Variants in RASGEF1C observed in about 807,000 individuals in gnomAD.
RASGEF1C encodes RasGEF domain family member 1C.
RASGEF1C carries 27 observed loss-of-function variants against 58.1 expected under a neutral mutation model. The ratio of observed to expected loss-of-function variants is 0.46; its 90% CI spans 0.34 to 0.64. The LOEUF is 0.64. Ranked by LOEUF, RASGEF1C falls within the 30% of genes least tolerant of loss-of-function variation. The probability of loss-of-function intolerance (pLI) is 0.01; values close to 1 mark genes in which losing one functional copy is unlikely to be tolerated. For missense variants in RASGEF1C, 502 were observed against 605.1 expected (o/e 0.83, Z 1.79); for synonymous variants, 243 against 246.3 (o/e 0.99, Z 0.13).
chr5:180,181,322 G>C (rs1045865514), intron 1 of RASGEF1C, among the ~76,000 whole-genome samples: 1 of 152,228 alleles, frequency 6.6e-6, no homozygotes. Flanking sequence ...ATGTGGAAAA[G>C]AGATGTATGA....
chr5:180,105,867 CA>C (rs1201153402), intron 12 of RASGEF1C, among the ~76,000 whole-genome samples: 64 of 141,158 alleles, frequency 4.5e-4, no homozygotes, highest in Middle Eastern at 7.3e-3. Flanking sequence ...GACTCTGTCT[CA>C]AAAAAAAAAA....
chr5:180,203,632 C>T (rs930041927), intron 1 of RASGEF1C, among the ~76,000 whole-genome samples: 9 of 148,182 alleles, frequency 6.1e-5, no homozygotes, highest in African/African-American at 9.9e-5. Context: ...ATAAGCCATG[C>T]GTTGCTTTAA....
intron 4 of RASGEF1C, among the ~76,000 whole-genome samples, chr5:180,135,831 C>T (rs1766461817): frequency 6.6e-6 from 1 of 152,212 alleles, no homozygotes; most frequent in Admixed American, 6.5e-5. Flanking sequence ...CTGCCCCTAC[C>T]CTGAAGGTTT....
At chr5:180,144,057 C>T (rs62406061) in intron 1 of RASGEF1C, among the ~76,000 whole-genome samples, 22,026 of 152,118 alleles carry the variant, frequency 0.14, 1,789 homozygotes, top group Middle Eastern at 0.2. Flanking sequence ...GACTGGTGCA[C>T]GAAGTACCTC....
chr5:180,150,097 A>G (rs1766722688), intron 1 of RASGEF1C, among the ~76,000 whole-genome samples: 1 of 152,146 alleles, frequency 6.6e-6, no homozygotes, highest in Admixed American at 6.5e-5. Flanking sequence ...CTCAGACTCA[A>G]TAATTTCAAT....
chr5:180,181,388 T>G (rs1293164900), intron 1 of RASGEF1C, among the ~76,000 whole-genome samples: 1 of 152,218 alleles, frequency 6.6e-6, no homozygotes, highest in African/African-American at 2.4e-5. Flanking sequence ...ATGACTGAAG[T>G]CCTCACCTCC....
chr5:180,191,077 G>T, intron 1 of RASGEF1C, among the ~76,000 whole-genome samples: 1 of 152,258 alleles, frequency 6.6e-6, no homozygotes, highest in Middle Eastern at 3.4e-3. Context: ...AGTGAAAATC[G>T]AAATCACAAT....
chr5:180,147,178 A>G (rs572332773), intron 1 of RASGEF1C, among the ~76,000 whole-genome samples: 49 of 151,660 alleles, frequency 3.2e-4, no homozygotes, highest in Non-Finnish European at 6.2e-4. Flanking sequence ...GATTTTAATA[A>G]CTTCAGTCAT....
intron 1 of RASGEF1C, among the ~76,000 whole-genome samples, chr5:180,167,471 AGAGT>A (rs778074139): frequency 6.6e-6 from 1 of 152,210 alleles, no homozygotes; most frequent in Non-Finnish European, 1.5e-5. Context: ...CCTGGGTGAC[AGAGT>A]GAGACCCTGT....
chr5:180,147,348 G>T (rs1766673872), intron 1 of RASGEF1C, among the ~76,000 whole-genome samples: 1 of 150,778 alleles, frequency 6.6e-6, no homozygotes, highest in African/African-American at 2.4e-5. Flanking sequence ...GCTAGCTTTG[G>T]GTTTAGTTTG....
chr5:180,113,044 A>C lies in RASGEF1C; in HGVS notation c.1179+1402T>G, dbSNP rs1176769979. Among the ~76,000 whole-genome samples, 13 of 111,286 alleles carry C rather than the reference A, an allele frequency of 1.2e-4. 1 individual carries two copies. The South Asian group carries it at 2.9e-3, about 25-fold the overall frequency. 73.0% of individuals were successfully genotyped at this position (111,286 alleles called of 152,430 possible). A position where few individuals can be genotyped will look rare whatever the true frequency, so the allele number is the denominator to read the frequency against. ...CCGGGGATGGACGGAGGGACCGGGGATGGACGGAGGGATCCGGGCTGGACG... is the reference window on the plus strand; with the variant it reads ...CCGGGGATGGACGGAGGGACCGGGGCTGGACGGAGGGATCCGGGCTGGACG... On this transcript the variant is annotated intron_variant, in intron 11 of 13. Transcript: ENST00000361132.
intron 7 of RASGEF1C, among the ~76,000 whole-genome samples, chr5:180,119,686 G>T (rs1400610959): frequency 6.6e-6 from 1 of 152,092 alleles, no homozygotes; most frequent in South Asian, 2.1e-4. Flanking sequence ...CCCTGGAGCT[G>T]CTGAGAGGCA....
intron 1 of RASGEF1C, among the ~76,000 whole-genome samples, chr5:180,149,581 A>G (rs1410610449): frequency 1.3e-5 from 2 of 151,324 alleles, no homozygotes; most frequent in Non-Finnish European, 2.9e-5. Context: ...TCGGCCTCCC[A>G]AGTAGCTGGG....
chr5:180,127,742 T>TG, intron 5 of RASGEF1C, 59 bp from the exon 6 acceptor site: 4 of 1,498,410 alleles, frequency 2.7e-6, no homozygotes, highest in Admixed American at 1.9e-5. Flanking sequence ...GGGTGTCCAC[T>TG]GGGGGGCCTG....
chr5:180,134,167 G>A (rs1393572477), intron 4 of RASGEF1C, among the ~76,000 whole-genome samples: 1 of 152,194 alleles, frequency 6.6e-6, no homozygotes, highest in Non-Finnish European at 1.5e-5. Context: ...GCCCAGTGAG[G>A]AGAGGCAGTG....
At position 180,103,202 on chromosome 5, in the gene RASGEF1C, C is replaced by T. The variant is rs552989497; in HGVS notation, c.1304-1059G>A. Among the ~76,000 whole-genome samples, 18 of 152,268 alleles carry T rather than the reference C, an allele frequency of 1.2e-4. No individual in the cohort carries two copies. The South Asian group carries it at 1.9e-3, about 16-fold the overall frequency. On this transcript the variant is annotated intron_variant, in intron 12 of 13. Transcript: ENST00000361132. ...ACACCATTCTCCTGCCTCACCCTCC[C>T]GAGTGGCTGGGACTACAGGTACCCA...
chr5:180,115,974 C>T (rs572903171), intron 10 of RASGEF1C, among the ~76,000 whole-genome samples: 15 of 152,152 alleles, frequency 9.9e-5, no homozygotes, highest in Middle Eastern at 3.4e-3. Flanking sequence ...AACAGGGAGA[C>T]GCACCAAGAC....
intron 1 of RASGEF1C, among the ~76,000 whole-genome samples, chr5:180,147,236 T>A (rs1766672212): frequency 6.9e-6 from 1 of 145,670 alleles, no homozygotes; most frequent in African/African-American, 2.5e-5. Context: ...ATTTTGTTAA[T>A]CTTTTTGAAG....
At chr5:180,184,491 C>A (rs926002310) in intron 1 of RASGEF1C, among the ~76,000 whole-genome samples, 2 of 152,072 alleles carry the variant, frequency 1.3e-5, no homozygotes, top group South Asian at 4.2e-4. Flanking sequence ...GCAGGAGAAT[C>A]GCTTGAACCC....
Sources: gnomAD v4.1 joint callset for allele counts (sites outside exome capture counted in the v4.1 genomes callset) on GRCh38, gnomAD v4.1.1 for gene constraint, MANE v1.5 for transcripts, NCBI Gene and HGNC (gene_info 2026-07-23, HGNC 2026-07-21) for gene names.